Variants in CFI observed in about 807,000 individuals in gnomAD.
CFI encodes the protein complement factor I, also known as C3B/C4B inactivator.
Under a neutral mutation model 78.8 loss-of-function variants are expected in CFI, and 66 were observed. The observed-to-expected ratio is 0.84, with a 90% CI of 0.69 to 1.03. The LOEUF is 1.03. Ranked by LOEUF, CFI falls within the 50% of genes least tolerant of loss-of-function variation. The pLI is 0.00. For missense variants in CFI, 706 were observed against 704.5 expected (o/e 1.00, Z -0.02); for synonymous variants, 250 against 232.6 (o/e 1.07, Z -0.68).
chr4:109,764,462 G>A, intron 3 of CFI, 75 bp downstream of exon 3: 1 of 1,502,614 alleles, frequency 6.7e-7, no homozygotes, highest in Non-Finnish European at 9.2e-7. Flanking sequence ...TTAATACACA[G>A]AAAGGTTAGG....
intron 3 of CFI, chr4:109,761,947 T>A: frequency 2.3e-6 from 1 of 439,176 alleles, no homozygotes; most frequent in Non-Finnish European, 4.2e-6. Context: ...CCCAGCACTT[T>A]GGGAGGCCAA....
intron 3 of CFI, among the ~76,000 whole-genome samples, chr4:109,762,756 C>T (rs1727246760): frequency 6.6e-6 from 1 of 152,140 alleles, no homozygotes; most frequent in South Asian, 2.1e-4. Flanking sequence ...GGTTAATAAT[C>T]TGAAAAACGT....
intron 11 of CFI, 102 bp downstream of exon 11, chr4:109,746,120 G>T: frequency 7.4e-7 from 1 of 1,349,028 alleles, no homozygotes. Flanking sequence ...TGGATATGAT[G>T]TTATGCTTCT....
In CFI at chr4:109,761,414, T is replaced by C. The variant is rs796886911; in HGVS notation, c.658+103A>G. ...ACTTGACAGAATCTATATTATTGCCTCTGTGACTGGCAACGAGGCATCAAT... is the reference window on the plus strand; with the variant it reads ...ACTTGACAGAATCTATATTATTGCCCCTGTGACTGGCAACGAGGCATCAAT... On this transcript the variant is annotated intron_variant, in intron 4 of 12. Transcript: ENST00000394634. The C allele has an allele frequency of 1.1e-5, 13 of 1,138,602 alleles. No homozygotes were observed. The African/African-American group carries it at 1.8e-4, about 16-fold the overall frequency. 70.5% of individuals were successfully genotyped at this position (1,138,602 alleles called of 1,614,324 possible). A position where few individuals can be genotyped will look rare whatever the true frequency, so the allele number is the denominator to read the frequency against.
intron 1 of CFI, among the ~76,000 whole-genome samples, chr4:109,786,775 A>T (rs1730799585): frequency 6.6e-6 from 1 of 152,132 alleles, no homozygotes; most frequent in South Asian, 2.1e-4. Flanking sequence ...TAGTGTGAGG[A>T]TCAGATGAAA....
intron 1 of CFI, among the ~76,000 whole-genome samples, chr4:109,780,913 C>A (rs190562668): frequency 2.0e-5 from 3 of 152,060 alleles, no homozygotes; most frequent in African/African-American, 7.2e-5. Flanking sequence ...AACCAAACAC[C>A]GCATGTTCTC....
intron 1 of CFI, among the ~76,000 whole-genome samples, chr4:109,789,202 G>T (rs1018901959): frequency 2.6e-5 from 4 of 151,686 alleles, no homozygotes; most frequent in African/African-American, 9.7e-5. Context: ...ATGAACTGTG[G>T]GGCAACTTCA....
At chr4:109,754,486 T>C (rs1725877640) in intron 7 of CFI, among the ~76,000 whole-genome samples, 1 of 151,834 alleles carries the variant, frequency 6.6e-6, no homozygotes, top group Admixed American at 6.6e-5. Flanking sequence ...TTTTCATCTT[T>C]GCTCTGCCAT....
At chr4:109,756,639 A>T (rs1579202759) in intron 7 of CFI, among the ~76,000 whole-genome samples, 2 of 151,904 alleles carry the variant, frequency 1.3e-5, no homozygotes, top group African/African-American at 4.8e-5. Flanking sequence ...AGGCAGGTGG[A>T]TCACGAGGGC....
chr4:109,752,949 TA>T (rs1265311905), intron 7 of CFI, among the ~76,000 whole-genome samples: 1 of 64,446 alleles, frequency 1.6e-5, no homozygotes. Context: ...TAAATATTTA[TA>T]ATACATATTT....
intron 1 of CFI, among the ~76,000 whole-genome samples, chr4:109,780,345 G>A (rs575044432): frequency 1.3e-5 from 2 of 152,050 alleles, no homozygotes; most frequent in African/African-American, 4.8e-5. Context: ...AGGATATGAA[G>A]AGACACTTCT....
At chr4:109,738,464 C>T (rs1245697216), downstream of CFI, among the ~76,000 whole-genome samples, 1 of 152,158 alleles carries the variant, frequency 6.6e-6, no homozygotes, top group Non-Finnish European at 1.5e-5. Context: ...CTGCGTTGCT[C>T]CCGGATTGCT....
chr4:109,786,700 T>C (rs1028985986), intron 1 of CFI, among the ~76,000 whole-genome samples: 3 of 152,266 alleles, frequency 2.0e-5, no homozygotes, highest in Admixed American at 6.5e-5. Flanking sequence ...ATAAGTGACT[T>C]TATCCTTCTG....
At chr4:109,744,201 A>C (rs186773934) in intron 11 of CFI, among the ~76,000 whole-genome samples, 2 of 152,330 alleles carry the variant, frequency 1.3e-5, no homozygotes, top group East Asian at 3.9e-4. Context: ...AATATTTTTA[A>C]AAATAAATGA....
chr4:109,779,713 A>G (rs1022355197), intron 1 of CFI, among the ~76,000 whole-genome samples: 7 of 152,192 alleles, frequency 4.6e-5, no homozygotes, highest in Non-Finnish European at 1.0e-4. Flanking sequence ...TGGAGGCATC[A>G]TGTGACCTGA....
intron 7 of CFI, 129 bp from the exon 8 acceptor site, chr4:109,752,632 T>C: frequency 1.3e-6 from 1 of 768,510 alleles, no homozygotes; most frequent in Non-Finnish European, 2.2e-6. Flanking sequence ...TAAAGAACTG[T>C]ACAAAATCCC....
the CFI span, among the ~76,000 whole-genome samples, chr4:109,734,445 C>G: frequency 6.6e-6 from 1 of 152,108 alleles, no homozygotes; most frequent in African/African-American, 2.4e-5. Flanking sequence ...GTGAACTTCA[C>G]AAGAGTCTCA....
chr4:109,797,715 G>C (rs932913407), intron 1 of CFI, among the ~76,000 whole-genome samples: 1 of 152,184 alleles, frequency 6.6e-6, no homozygotes, highest in Admixed American at 6.5e-5. Flanking sequence ...CAAATCAAAA[G>C]CCAAGAACCA....
intron 1 of CFI, among the ~76,000 whole-genome samples, chr4:109,784,867 A>T (rs1416749231): frequency 1.4e-5 from 2 of 147,486 alleles, no homozygotes; most frequent in African/African-American, 2.6e-5. Flanking sequence ...ACCTGCACGT[A>T]TACATCCAGA....
Sources: allele counts gnomAD v4.1 joint callset (sites outside exome capture counted in the v4.1 genomes callset), GRCh38; gene constraint gnomAD v4.1.1; transcripts MANE v1.5; gene names NCBI Gene and HGNC (gene_info 2026-07-23, HGNC 2026-07-21).